The following RAVER2 variants were observed in gnomAD, a reference collection of about 807,000 sequenced individuals.
RAVER2 encodes the protein ribonucleoprotein, PTB binding 2.
RAVER2 carries 46 observed loss-of-function variants against 78.1 expected under a neutral mutation model. The observed-to-expected ratio is 0.59, with a 90% CI of 0.46 to 0.75. RAVER2 has a LOEUF of 0.75. RAVER2 is among the 30% of genes least tolerant of loss of function. The pLI is 0.00. For missense variants in RAVER2, 793 were observed against 837.5 expected, an observed-to-expected ratio of 0.95 and a Z score of 0.66; for synonymous variants, 311 against 313.3, an observed-to-expected ratio of 0.99 and a Z score of 0.08.
At chr1:64,832,528 T>C (rs1228057185) in exon 12 of RAVER2, 2 of 152,300 alleles carry the variant, frequency 1.3e-5, no homozygotes, top group Non-Finnish European at 2.9e-5. Flanking sequence ...CCGGGGCTTT[T>C]TGAAATCAGA....
intron 11 of RAVER2, among the ~76,000 whole-genome samples, chr1:64,828,550 C>T (rs1216749781): frequency 5.3e-5 from 8 of 152,166 alleles, no homozygotes; most frequent in Non-Finnish European, 1.2e-4. Flanking sequence ...TCATCATTCC[C>T]CATTCACCAG....
At chr1:64,751,741 T>G (rs1201833139) in intron 1 of RAVER2, among the ~76,000 whole-genome samples, 3 of 152,114 alleles carry the variant, frequency 2.0e-5, no homozygotes, top group Non-Finnish European at 4.4e-5. Context: ...TTTTTTAAAA[T>G]CTTTACTTTA....
intron 11 of RAVER2, among the ~76,000 whole-genome samples, chr1:64,824,674 A>G (rs1386757465): frequency 6.6e-6 from 1 of 152,098 alleles, no homozygotes; most frequent in Non-Finnish European, 1.5e-5. Context: ...TCATGCTTAT[A>G]ATCCTAGCAC....
chr1:64,761,382 G>A (rs1652016654), intron 1 of RAVER2, among the ~76,000 whole-genome samples: 1 of 152,154 alleles, frequency 6.6e-6, no homozygotes, highest in Non-Finnish European at 1.5e-5. Context: ...TTTCAAAAGA[G>A]GGAGAAGGGA....
At chr1:64,781,498 T>G (rs760423950) in exon 4 of RAVER2, 5 of 1,614,138 alleles carry the variant, frequency 3.1e-6, no homozygotes, top group Non-Finnish European at 4.2e-6. Context: ...GGCAGCAAAG[T>G]CCAGGTTTCC....
chr1:64,809,526 G>T (rs1363632852), intron 9 of RAVER2, among the ~76,000 whole-genome samples: 3 of 113,842 alleles, frequency 2.6e-5, no homozygotes, highest in Non-Finnish European at 5.6e-5. Context: ...ATAAATAAAA[G>T]AGATTTGGAC....
chr1:64,745,176 GCGGCGGCGGCGGGAGA>G lies in RAVER2; in HGVS notation c.16_31del (p.Gly6ArgfsTer55), dbSNP rs1056284394. The G allele has an allele frequency of 9.9e-7, 1 of 1,012,008 alleles. No individual in the cohort carries two copies. The highest frequency in any genetic ancestry group is 1.2e-6 in the Non-Finnish European group (1 of 848,884). The allele number at this position is 1,012,008 out of a possible 1,614,324, so 62.7% of individuals were successfully genotyped here. On this transcript the variant is annotated frameshift_variant, in exon 1 of 12. Transcript: ENST00000294428. LOFTEE classifies it high-confidence loss of function. The surrounding 1 kb of genome is among the most constrained non-coding windows in gnomAD (Gnocchi z 4.3). ...CAGCCGCTGGGCGCCCGGGAAGATG[GCGGCGGCGGCGGGAGA>G]CGGCGGCGGCGAGGGGGGCGCGGGC... is the stretch of plus-strand genomic sequence containing the variant.
Position 64,782,172 on chromosome 1 carries a change from G to A in RAVER2, c.978+601G>A, listed in dbSNP as rs554949705. 1.1e-3 allele frequency among the ~76,000 whole-genome samples: 165 copies of A among 152,314 alleles called. 1 individual carries two copies. Among genetic ancestry groups the A allele is most frequent in the Non-Finnish European group, 1.9e-3 (128 of 68,014 alleles). On this transcript the variant is annotated intron_variant, in intron 4 of 11. Transcript: ENST00000294428. ...GCCCGCCTCAGCCTCCCAAAGTGCTGTGATTACAGGCGTGAGCCACCGCAC... is the reference window on the plus strand; with the variant it reads ...GCCCGCCTCAGCCTCCCAAAGTGCTATGATTACAGGCGTGAGCCACCGCAC...
chr1:64,796,318 T>C (rs1363959114), intron 5 of RAVER2, among the ~76,000 whole-genome samples: 1 of 152,044 alleles, frequency 6.6e-6, no homozygotes, highest in Non-Finnish European at 1.5e-5. Context: ...ATTCCCTCTC[T>C]TCAGTCATCA....
chr1:64,811,444 A>G (rs1300038746), intron 9 of RAVER2, among the ~76,000 whole-genome samples: 1 of 152,236 alleles, frequency 6.6e-6, no homozygotes, highest in Non-Finnish European at 1.5e-5. Flanking sequence ...GCCACTAGCG[A>G]TACTAGAAGT....
Position 64,768,728 on chromosome 1 carries a change from A to G in RAVER2, c.316+6A>G. 1.3e-6 allele frequency: 2 copies of G among 1,486,146 alleles called. No individual in the cohort carries two copies. The highest frequency in any genetic ancestry group is 1.2e-5 in the South Asian group (1 of 86,808). The allele number at this position is 1,486,146 out of a possible 1,614,324, so 92.1% of individuals were successfully genotyped here. On this transcript the variant is annotated splice_donor_region_variant and intron_variant, in intron 2 of 11. Coordinates refer to ENST00000294428, the Ensembl canonical transcript of RAVER2. ...GGACAGAAATAAACGAACAGGTAAG[A>G]TTTCTATTCTAAGTGTCTAATTTCA...
At chr1:64,749,945 C>T (rs1031417202) in intron 1 of RAVER2, among the ~76,000 whole-genome samples, 3 of 152,038 alleles carry the variant, frequency 2.0e-5, no homozygotes, top group African/African-American at 7.2e-5. Flanking sequence ...TTTTTTCTTA[C>T]AGGTCTTATG....
intron 11 of RAVER2, chr1:64,816,471 A>G (rs1653759377): frequency 6.6e-6 from 1 of 152,242 alleles, no homozygotes; most frequent in Non-Finnish European, 1.5e-5. Context: ...CTAATGGAAC[A>G]TTAAAGTACA....
chr1:64,777,374 A>G (rs1324322291), intron 2 of RAVER2, among the ~76,000 whole-genome samples: 2 of 152,148 alleles, frequency 1.3e-5, no homozygotes, highest in Non-Finnish European at 2.9e-5. Flanking sequence ...TCCTAATATA[A>G]TCCCTGTACT....
chr1:64,781,231 T>C (rs1161405751), intron 3 of RAVER2, 149 bp from the exon 4 acceptor site: 12 of 673,872 alleles, frequency 1.8e-5, no homozygotes, highest in Non-Finnish European at 2.4e-5. Flanking sequence ...TCTAAGCAAT[T>C]AGTAAACATT....
chr1:64,829,843 G>A (rs529937496), intron 11 of RAVER2, among the ~76,000 whole-genome samples: 1 of 152,258 alleles, frequency 6.6e-6, no homozygotes, highest in Admixed American at 6.5e-5. Context: ...CCCACAGTAA[G>A]CCACTTTGAA....
chr1:64,820,008 TA>T (rs1256302158), intron 11 of RAVER2, among the ~76,000 whole-genome samples: 1 of 152,162 alleles, frequency 6.6e-6, no homozygotes, highest in African/African-American at 2.4e-5. Context: ...AATTGTAACA[TA>T]TAGGGTTTAT....
At chr1:64,746,973 GT>G (rs962567720) in intron 1 of RAVER2, among the ~76,000 whole-genome samples, 76 of 152,332 alleles carry the variant, frequency 5.0e-4, no homozygotes, top group African/African-American at 1.7e-3. Flanking sequence ...AATGTCAGCT[GT>G]TTTTGTTATC....
intron 5 of RAVER2, 82 bp downstream of exon 5, chr1:64,789,596 A>G (rs978152963): frequency 8.6e-7 from 1 of 1,163,646 alleles, no homozygotes; most frequent in Non-Finnish European, 1.1e-6. Context: ...ATGGAAAAAT[A>G]CATTGATTTG....
Sources: allele counts gnomAD v4.1 joint callset (sites outside exome capture counted in the v4.1 genomes callset), GRCh38; gene constraint gnomAD v4.1.1; non-coding constraint Gnocchi (gnomAD v3.1); transcripts MANE v1.5; gene names NCBI Gene and HGNC (gene_info 2026-07-23, HGNC 2026-07-21).